Variants in TMEM178B observed in about 807,000 individuals in gnomAD.
TMEM178B encodes transmembrane protein 178B.
A neutral mutation model predicts 31.0 loss-of-function variants in TMEM178B; 5 were observed. The ratio of observed to expected loss-of-function variants is 0.16; its 90% confidence interval spans 0.08 to 0.34. TMEM178B has a LOEUF of 0.34. Ranked by LOEUF, TMEM178B falls within the 10% of genes least tolerant of loss-of-function variation. TMEM178B has a pLI of 1.00. For missense variants in TMEM178B, 275 were observed against 400.3 expected, an observed-to-expected ratio of 0.69 and a Z score of 2.67; for synonymous variants, 164 against 164.0, an observed-to-expected ratio of 1.00 and a Z score of 0.00.
intron 2 of TMEM178B, among the ~76,000 whole-genome samples, chr7:141,350,724 A>C (rs1223091455): frequency 6.6e-6 from 1 of 152,220 alleles, no homozygotes; most frequent in Non-Finnish European, 1.5e-5. Context: ...ACAAACAGAA[A>C]AGTGCATCAA....
intron 2 of TMEM178B, among the ~76,000 whole-genome samples, chr7:141,224,373 C>T (rs578087226): frequency 2.0e-4 from 30 of 152,330 alleles, no homozygotes; most frequent in Non-Finnish European, 3.2e-4. Context: ...ATTTCTTTTA[C>T]GGATTCGATC....
At chr7:141,209,910 A>G (rs1797027137) in intron 1 of TMEM178B, among the ~76,000 whole-genome samples, 2 of 152,254 alleles carry the variant, frequency 1.3e-5, no homozygotes, top group Admixed American at 6.5e-5. Context: ...AGCCTGGGGT[A>G]TGTGAAGGCT....
At chr7:141,450,476 A>G (rs1216993681) in intron 3 of TMEM178B, among the ~76,000 whole-genome samples, 1 of 152,196 alleles carries the variant, frequency 6.6e-6, no homozygotes, top group Admixed American at 6.5e-5. Flanking sequence ...TGAAACCCTT[A>G]AGTGCAAAAT....
intron 2 of TMEM178B, among the ~76,000 whole-genome samples, chr7:141,342,989 G>A (rs1799544945): frequency 6.6e-6 from 1 of 152,172 alleles, no homozygotes; most frequent in Non-Finnish European, 1.5e-5. Flanking sequence ...TTAGCTGTAT[G>A]GGACTCACCC....
At chr7:141,296,923 A>G (rs1798644590) in intron 2 of TMEM178B, among the ~76,000 whole-genome samples, 1 of 152,238 alleles carries the variant, frequency 6.6e-6, no homozygotes, top group Admixed American at 6.5e-5. Context: ...TTCATATTAC[A>G]GTGGCAACTT....
chr7:141,152,382 C>T (rs576537325), intron 1 of TMEM178B, among the ~76,000 whole-genome samples: 6 of 152,318 alleles, frequency 3.9e-5, no homozygotes, highest in Non-Finnish European at 5.9e-5. Context: ...TCTGAAATGT[C>T]ATGCTGGTGT....
intron 2 of TMEM178B, among the ~76,000 whole-genome samples, chr7:141,374,624 G>T (rs960085987): frequency 1.3e-5 from 2 of 152,162 alleles, no homozygotes; most frequent in African/African-American, 4.8e-5. Flanking sequence ...CTGCGAAACC[G>T]CCTCTTCCCG....
At chr7:141,116,627 A>G (rs574892273) in intron 1 of TMEM178B, among the ~76,000 whole-genome samples, 56 of 152,086 alleles carry the variant, frequency 3.7e-4, no homozygotes, top group African/African-American at 1.4e-3. Flanking sequence ...TCCTCCCATC[A>G]TCTACACTAG....
chr7:141,140,727 C>T (rs1004306172), intron 1 of TMEM178B, among the ~76,000 whole-genome samples: 4 of 152,136 alleles, frequency 2.6e-5, no homozygotes, highest in South Asian at 2.1e-4. Flanking sequence ...TTGAGGAGTA[C>T]TGGTCAGGGA....
intron 3 of TMEM178B, among the ~76,000 whole-genome samples, chr7:141,457,828 T>G (rs1431740990): frequency 6.6e-6 from 1 of 152,244 alleles, no homozygotes; most frequent in Non-Finnish European, 1.5e-5. Context: ...GCATGCAGTG[T>G]AACATATTTT....
intron 3 of TMEM178B, among the ~76,000 whole-genome samples, chr7:141,452,905 C>T (rs1458655518): frequency 1.3e-5 from 2 of 152,290 alleles, no homozygotes; most frequent in East Asian, 3.9e-4. Context: ...GCCAATGTCC[C>T]CAGCCTGGGG....
chr7:141,136,178 A>G (rs1348051471), intron 1 of TMEM178B, among the ~76,000 whole-genome samples: 1 of 152,210 alleles, frequency 6.6e-6, no homozygotes, highest in African/African-American at 2.4e-5. Context: ...ATAAAAACAG[A>G]CATATAGACC....
intron 1 of TMEM178B, among the ~76,000 whole-genome samples, chr7:141,147,657 GTC>G (rs1795876604): frequency 6.6e-6 from 1 of 152,174 alleles, no homozygotes; most frequent in African/African-American, 2.4e-5. Flanking sequence ...AGGAAAGGAA[GTC>G]CCTAAGGAGC....
At chr7:141,510,714 A>AAG in the TMEM178B span, among the ~76,000 whole-genome samples, 1 of 132,112 alleles carries the variant, frequency 7.6e-6, no homozygotes, top group Non-Finnish European at 1.6e-5. Flanking sequence ...AAAAAAAAAG[A>AAG]AAAAAAAAGA....
At chr7:141,084,096 C>T (rs887277036) in intron 1 of TMEM178B, among the ~76,000 whole-genome samples, 4 of 152,320 alleles carry the variant, frequency 2.6e-5, no homozygotes, top group Admixed American at 6.5e-5. Flanking sequence ...TAAGCCACCA[C>T]GCCCAGCCTA....
intron 1 of TMEM178B, among the ~76,000 whole-genome samples, chr7:141,205,712 C>G (rs1414805432): frequency 6.6e-6 from 1 of 152,236 alleles, no homozygotes; most frequent in Non-Finnish European, 1.5e-5. Flanking sequence ...AGCACTGCCT[C>G]TAAAACCACT....
At chr7:141,127,220 C>A (rs564422187) in intron 1 of TMEM178B, among the ~76,000 whole-genome samples, 1 of 152,124 alleles carries the variant, frequency 6.6e-6, no homozygotes, top group Non-Finnish European at 1.5e-5. Context: ...AAATTTAGCT[C>A]GGATAGACCT....
chr7:141,485,669 T>C, the TMEM178B span, among the ~76,000 whole-genome samples: 1 of 152,232 alleles, frequency 6.6e-6, no homozygotes, highest in Non-Finnish European at 1.5e-5. Flanking sequence ...GGAAAGGATT[T>C]TCTGTGGAAT....
chr7:141,451,363 T>C (rs548133594), intron 3 of TMEM178B, among the ~76,000 whole-genome samples: 2 of 152,260 alleles, frequency 1.3e-5, no homozygotes, highest in Non-Finnish European at 2.9e-5. Context: ...ACATTTTTAA[T>C]ACTGCGTGCT....
Sources: allele counts gnomAD v4.1 joint callset (sites outside exome capture counted in the v4.1 genomes callset), GRCh38; gene constraint gnomAD v4.1.1; transcripts MANE v1.5; gene names NCBI Gene and HGNC (gene_info 2026-07-23, HGNC 2026-07-21).